Variants in PTPRN observed in about 807,000 individuals in gnomAD.
PTPRN encodes the protein protein tyrosine phosphatase receptor type N.
In PTPRN, 70 loss-of-function variants were observed where a neutral mutation model predicts 108.5. The observed-to-expected ratio is 0.65, with a 90% CI of 0.53 to 0.79. PTPRN has a LOEUF of 0.79. Ranked by LOEUF, PTPRN falls within the 30% of genes least tolerant of loss-of-function variation. PTPRN has a pLI of 0.00. For synonymous variants in PTPRN, 496 were observed against 524.6 expected (o/e 0.95, Z 0.75); for missense variants, 1,136 against 1,295.5 (o/e 0.88, Z 1.89).
chr2:219,298,832 C>G (rs1462881721), intron 12 of PTPRN, among the ~76,000 whole-genome samples: 1 of 152,254 alleles, frequency 6.6e-6, no homozygotes, highest in East Asian at 1.9e-4. Flanking sequence ...GGCCTTTTTA[C>G]TACAGAGGGC....
chr2:219,308,468 A>T (rs1952539670), intron 1 of PTPRN: 1 of 206,438 alleles, frequency 4.8e-6, no homozygotes, highest in Admixed American at 5.3e-5. Flanking sequence ...GCGTCACAGG[A>T]AGTACTCTGC....
At position 219,289,981 on chromosome 2, in the gene PTPRN, T is replaced by C. The variant is rs1316965817; in HGVS notation, c.*245A>G. ...AGGCTCTGGGTAGAATTGCTACCCATGTCCTTTCCTCTCCTCCTGGCTGCA... is the reference window on the plus strand; with the variant it reads ...AGGCTCTGGGTAGAATTGCTACCCACGTCCTTTCCTCTCCTCCTGGCTGCA... On this transcript the variant is annotated 3_prime_UTR_variant, in exon 23 of 23. Coordinates refer to ENST00000295718, the MANE Select transcript of PTPRN (RefSeq NM_002846.4). 1.8e-6 allele frequency: 1 copy of C among 544,030 alleles called. No homozygotes were observed. Among genetic ancestry groups the C allele is most frequent in the Non-Finnish European group, 3.3e-6 (1 of 299,866 alleles). The allele number at this position is 544,030 out of a possible 1,614,324, so 33.7% of individuals were successfully genotyped here.
Position 219,303,736 on chromosome 2 carries a change from T to A in PTPRN, c.376A>T (p.Arg126Trp). Reference protein sequence around the residue: ...LRPPEPRPRDRSGLAPKRPGP... With the variant: ...LRPPEPRPRDWSGLAPKRPGP... ...GAGTTGTAGAGAAAGGCTGCCTACC[T>A]GTCCCTTGGACGGGGCTCTGGGGGG... Residue 126 changes from arginine to tryptophan, a missense_variant and splice_region_variant, in exon 4 of 23, where the codon AGG becomes TGG. Physicochemically the swap from Arg to Trp is moderately radical, Grantham distance 101. Transcript: ENST00000295718. The A allele has an allele frequency of 6.2e-7, 1 of 1,612,660 alleles. No individual in the cohort carries two copies. Among genetic ancestry groups the A allele is most frequent in the Non-Finnish European group, 8.5e-7 (1 of 1,178,758 alleles).
At position 219,302,298 on chromosome 2, in the gene PTPRN, A is replaced by G. The variant is rs756705113; in HGVS notation, c.833T>C (p.Leu278Pro). The G allele has an allele frequency of 6.2e-7, 1 of 1,614,116 alleles. No homozygotes were observed. ...SPAQLFQDSG[L>P]LYLAQELPAP... ...TGGCAACTCCTGGGCCAGATAGAGC[A>G]GCCCAGAGTCTTGAAAAAGCTGGGC... The change falls in exon 6 of 23, where the codon CTG becomes CCG. Residue 278 changes from leucine to proline, a missense_variant. Physicochemically the swap from Leu to Pro is moderately conservative, Grantham distance 98 (BLOSUM62 -3). Transcript: ENST00000295718.
chr2:219,298,325 T>C (rs1952254406), intron 12 of PTPRN, among the ~76,000 whole-genome samples: 1 of 151,976 alleles, frequency 6.6e-6, no homozygotes, highest in Non-Finnish European at 1.5e-5. Context: ...CCACCAGGAG[T>C]GTTTGCATTT....
intron 4 of PTPRN, 108 bp from the exon 5 acceptor site, chr2:219,302,945 T>C: frequency 7.4e-7 from 1 of 1,359,696 alleles, no homozygotes; most frequent in Non-Finnish European, 1.0e-6. Context: ...AGAGCAGGCC[T>C]GACCTCTTTA....
chr2:219,304,387 G>A (rs1015188657), intron 3 of PTPRN, among the ~76,000 whole-genome samples: 7 of 151,812 alleles, frequency 4.6e-5, no homozygotes, highest in African/African-American at 1.7e-4. Flanking sequence ...TAATCCACAT[G>A]TTTTAAACAT....
intron 19 of PTPRN, 117 bp from the exon 20 acceptor site, chr2:219,291,640 G>T: frequency 1.9e-6 from 2 of 1,068,358 alleles, no homozygotes; most frequent in Non-Finnish European, 2.8e-6. Context: ...CCGGGGCAGA[G>T]AGGGAAGATG....
chr2:219,299,517 A>T, intron 10 of PTPRN, 133 bp from the exon 11 acceptor site: 1 of 1,180,246 alleles, frequency 8.5e-7, no homozygotes, highest in Non-Finnish European at 1.2e-6. Context: ...GGGGCATCTT[A>T]GGCAAGGAAG....
At chr2:219,291,674 G>A in intron 19 of PTPRN, 151 bp from the exon 20 acceptor site, 2 of 802,236 alleles carry the variant, frequency 2.5e-6, no homozygotes, top group Non-Finnish European at 4.0e-6. Flanking sequence ...GCCAGGGCTG[G>A]AGGCAAAGAA....
intron 7 of PTPRN, among the ~76,000 whole-genome samples, chr2:219,301,219 C>A (rs1330447676): frequency 6.6e-6 from 1 of 152,208 alleles, no homozygotes; most frequent in Non-Finnish European, 1.5e-5. Flanking sequence ...TCTCTCAAAG[C>A]TATTCTTTGT....
intron 12 of PTPRN, 167 bp downstream of exon 12, chr2:219,298,880 G>A (rs909143647): frequency 1.3e-6 from 1 of 763,772 alleles, no homozygotes; most frequent in Non-Finnish European, 2.3e-6. Flanking sequence ...CCATCTGCTG[G>A]TGAGAAAGAG....
At chr2:219,298,550 C>CA (rs202208054) in intron 12 of PTPRN, among the ~76,000 whole-genome samples, 4,911 of 151,222 alleles carry the variant, frequency 0.032, 265 homozygotes, top group African/African-American at 0.11. Context: ...ACTAAAAATA[C>CA]AAAAAAAAAT....
At chr2:219,295,985 C>CAG in intron 18 of PTPRN, 2 of 537,714 alleles carry the variant, frequency 3.7e-6, no homozygotes, top group Non-Finnish European at 6.4e-6. Context: ...GACACACACA[C>CAG]ACACACACAC....
chr2:219,292,639 C>G (rs1952077141), intron 19 of PTPRN: 1 of 152,144 alleles, frequency 6.6e-6, no homozygotes, highest in Admixed American at 6.5e-5. Flanking sequence ...TAACGGAGCC[C>G]TTGCTATGTA....
rs1952307709 is a variant in PTPRN at position 219,300,169 on chromosome 2, A to G, written c.1252T>C (p.Ser418Pro). Reference sequence around the variant, plus strand: ...CTTGGCACCTGCTGGACTTCACTGGAGGTAGGGCTGGCAGTGGGGTGTCCA... The same window carrying G: ...CTTGGCACCTGCTGGACTTCACTGGGGGTAGGGCTGGCAGTGGGGTGTCCA... Reference protein sequence around the residue: ...MPGHPTASPTSSEVQQVPSPV... With the variant: ...MPGHPTASPTPSEVQQVPSPV... Residue 418 changes from serine (S) to proline (P), a missense_variant, in exon 9 of 23, where the codon TCC becomes CCC. Transcript: ENST00000295718. 1 of 1,613,090 alleles carries G rather than the reference A, an allele frequency of 6.2e-7. No individual in the cohort carries two copies. Among genetic ancestry groups the G allele is most frequent in the South Asian group, 1.1e-5 (1 of 91,014 alleles).
chr2:219,308,555 C>T (rs935911504), intron 1 of PTPRN, among the ~76,000 whole-genome samples: 1 of 151,988 alleles, frequency 6.6e-6, no homozygotes, highest in Non-Finnish European at 1.5e-5. Flanking sequence ...ACGCGCCACC[C>T]TCCCATCCCC....
chr2:219,304,557 CCT>C (rs77240411), intron 3 of PTPRN, among the ~76,000 whole-genome samples: 6,576 of 152,154 alleles, frequency 0.043, 280 homozygotes, highest in African/African-American at 0.11. Flanking sequence ...CACTTTTCAC[CCT>C]CATTTTTTCT....
intron 3 of PTPRN, among the ~76,000 whole-genome samples, chr2:219,306,054 G>A (rs562999092): frequency 1.3e-5 from 2 of 152,236 alleles, no homozygotes; most frequent in East Asian, 3.9e-4. Context: ...GGAGGCTGAG[G>A]CAGGAGAATC....
Sources: allele counts gnomAD v4.1 joint callset (sites outside exome capture counted in the v4.1 genomes callset), GRCh38; gene constraint gnomAD v4.1.1; transcripts MANE v1.5; gene names NCBI Gene and HGNC (gene_info 2026-07-23, HGNC 2026-07-21).